PCGF3: variants seen among roughly 807,000 people sequenced by gnomAD.
The protein encoded by PCGF3 is polycomb group ring finger 3.
Under a neutral mutation model 33.1 loss-of-function variants are expected in PCGF3, and 7 were observed. That is an observed-to-expected ratio of 0.21 (90% CI 0.12 to 0.40). The LOEUF (loss-of-function observed/expected upper bound fraction) is 0.40. Among genes scored for constraint, PCGF3 ranks in the 10% least tolerant of loss-of-function variants. The pLI is 1.00. For synonymous variants in PCGF3, 153 were observed against 121.3 expected (o/e 1.26, Z -1.72); for missense variants, 211 against 313.3 (o/e 0.67, Z 2.46).
chr4:715,148 CTGAG>C (rs1262281937), intron 1 of PCGF3, among the ~76,000 whole-genome samples: 1 of 141,812 alleles, frequency 7.1e-6, no homozygotes. Context: ...CCTGTAGACA[CTGAG>C]TGTGAGAACT....
rs142133649 is a variant in PCGF3 at position 725,089 on chromosome 4, C to T, written c.-189-5541C>T. On this transcript the variant is annotated intron_variant, in intron 1 of 10. Transcript: ENST00000362003. ...ATCTGAAACTGGCCTGGTGACACCG[C>T]GGGTGCAGCAGGCGGGCAGATGCGG... is the stretch of plus-strand genomic sequence containing the variant. 8.8e-3 allele frequency: 1,338 copies of T among 152,500 alleles called. 19 individuals are homozygous for T. The highest frequency in any genetic ancestry group is 0.029 in the African/African-American group (1,202 of 41,536). The allele number at this position is 152,500 out of a possible 1,614,324, so 9.4% of individuals were successfully genotyped here.
intron 6 of PCGF3, 66 bp downstream of exon 6, chr4:737,587 TG>T (rs2152578699): frequency 2.0e-6 from 2 of 1,018,196 alleles, no homozygotes; most frequent in South Asian, 2.6e-5. Flanking sequence ...CCTGCTCTCC[TG>T]GAAGTTTGGT....
chr4:735,531 C>T (rs1466881200), intron 5 of PCGF3, among the ~76,000 whole-genome samples: 2 of 132,792 alleles, frequency 1.5e-5, no homozygotes, highest in Admixed American at 1.5e-4. Context: ...GGCGACAGAG[C>T]GAGACTCTGT....
chr4:726,831 T>A (rs150265207), intron 1 of PCGF3, among the ~76,000 whole-genome samples: 1 of 152,326 alleles, frequency 6.6e-6, no homozygotes, highest in East Asian at 1.9e-4. Flanking sequence ...GTTTGGGGAC[T>A]TTTCACCCCC....
intron 7 of PCGF3, 159 bp downstream of exon 7, chr4:743,743 C>T (rs1483322062): frequency 1.7e-6 from 1 of 575,222 alleles, no homozygotes; most frequent in Non-Finnish European, 3.1e-6. Context: ...AGGCGTTCCT[C>T]CTCACTCCTG....
intron 9 of PCGF3, among the ~76,000 whole-genome samples, chr4:764,209 T>TGGCA (rs1745230584): frequency 6.6e-6 from 1 of 152,170 alleles, no homozygotes; most frequent in African/African-American, 2.4e-5. Flanking sequence ...AGGGTGTTGG[T>TGGCA]GGCAGGGGGG....
intron 8 of PCGF3, among the ~76,000 whole-genome samples, chr4:760,728 A>C (rs530059636): frequency 6.6e-6 from 1 of 152,188 alleles, no homozygotes; most frequent in South Asian, 2.1e-4. Context: ...TCCTGGGCAG[A>C]TTCCTTTTCG....
chr4:752,024 T>A lies in PCGF3; in HGVS notation c.462+7336T>A, dbSNP rs1744537261. 2.6e-5 allele frequency among the ~76,000 whole-genome samples: 4 copies of A among 152,358 alleles called. No individual in the cohort carries two copies. The South Asian group carries it at 8.3e-4, about 32-fold the overall frequency. On this transcript the variant is annotated intron_variant, in intron 8 of 10. Transcript: ENST00000362003. ...CAACGCAAAAGCGTGTCGGGTTTAT[T>A]TACTCACAACGATGTCTTCTAAACC...
exon 11 of PCGF3, chr4:766,232 C>G (rs1745365581): frequency 1.6e-6 from 1 of 624,000 alleles, no homozygotes; most frequent in African/African-American, 1.8e-5. Flanking sequence ...TCACACTCAA[C>G]AAGACACTAC....
intron 6 of PCGF3, among the ~76,000 whole-genome samples, chr4:743,100 A>T (rs1435408461): frequency 6.6e-6 from 1 of 152,126 alleles, no homozygotes; most frequent in Non-Finnish European, 1.5e-5. Context: ...CTGGCATGGC[A>T]CTGCTGTGGC....
chr4:756,800 C>A (rs1744788386), intron 8 of PCGF3, among the ~76,000 whole-genome samples: 1 of 152,192 alleles, frequency 6.6e-6, no homozygotes, highest in Non-Finnish European at 1.5e-5. Context: ...CCCGCTCCCC[C>A]AGCAGGGTTA....
chr4:766,086 CCA>C, exon 11 of PCGF3: 1 of 1,613,062 alleles, frequency 6.2e-7, no homozygotes, highest in Non-Finnish European at 8.5e-7. Context: ...GTGAATGGTG[CCA>C]CACAGCGCCC....
chr4:709,098 G>C (rs1239720435), intron 1 of PCGF3, among the ~76,000 whole-genome samples: 4 of 152,224 alleles, frequency 2.6e-5, no homozygotes, highest in Non-Finnish European at 2.9e-5. Context: ...GTTGTCTAGT[G>C]ACATCTTGTC....
intron 8 of PCGF3, among the ~76,000 whole-genome samples, chr4:748,086 G>A (rs1744343867): frequency 1.3e-5 from 2 of 152,190 alleles, no homozygotes; most frequent in Non-Finnish European, 2.9e-5. Flanking sequence ...GAGAGTGAAC[G>A]TCGAGGGCCT....
intron 3 of PCGF3, among the ~76,000 whole-genome samples, chr4:733,390 C>T (rs1048043205): frequency 1.3e-5 from 2 of 152,212 alleles, no homozygotes; most frequent in Non-Finnish European, 2.9e-5. Flanking sequence ...CCTCCTCAGT[C>T]CTCACTGCAG....
At position 721,508 on chromosome 4, in the gene PCGF3, G is replaced by A. The variant is rs990585825; in HGVS notation, c.-189-9122G>A. Among the ~76,000 whole-genome samples the A allele has an allele frequency of 3.9e-5, 6 of 152,092 alleles. No homozygotes were observed. The highest frequency in any genetic ancestry group is 8.8e-5 in the Non-Finnish European group (6 of 68,006). ...GAGGGTGCCGGGGTGGAGAGCGGAA[G>A]AGAGAGGGAGTCGGTGCCTTAGGAG... On this transcript the variant is annotated intron_variant, in intron 1 of 10. Coordinates refer to ENST00000362003, the Ensembl canonical transcript of PCGF3. The surrounding 1 kb of genome is among the most constrained non-coding windows in gnomAD (Gnocchi z 4.1).
rs1418843210 is a variant in PCGF3 at position 736,044 on chromosome 4, TC to T, written c.206+1018del. ...TTTTCCCTTTTATTATTATTATTTT[TC>T]TTAATTTTATTTATTTTTCTTGAGA... On this transcript the variant is annotated intron_variant, in intron 5 of 10. Coordinates refer to ENST00000362003, the Ensembl canonical transcript of PCGF3. Among the ~76,000 whole-genome samples, 6 of 151,886 alleles carry T rather than the reference TC, an allele frequency of 4.0e-5. No individual in the cohort carries two copies. The South Asian group carries it at 6.3e-4, about 16-fold the overall frequency.
At chr4:715,548 T>C in intron 1 of PCGF3, among the ~76,000 whole-genome samples, 1 of 132,176 alleles carries the variant, frequency 7.6e-6, no homozygotes, top group Non-Finnish European at 1.6e-5. Flanking sequence ...ACACTGAGTG[T>C]GAGAACTGGG....
chr4:729,523 T>A (rs1743466103), intron 1 of PCGF3, among the ~76,000 whole-genome samples: 1 of 152,200 alleles, frequency 6.6e-6, no homozygotes, highest in Non-Finnish European at 1.5e-5. Context: ...TGTTGGGTAG[T>A]GGAGATGTGG....
Sources: gnomAD v4.1 joint callset for allele counts (sites outside exome capture counted in the v4.1 genomes callset) on GRCh38, gnomAD v4.1.1 for gene constraint, Gnocchi (gnomAD v3.1) non-coding constraint, MANE v1.5 for transcripts, NCBI Gene and HGNC (gene_info 2026-07-23, HGNC 2026-07-21) for gene names.